TSC2: variants seen among roughly 807,000 people sequenced by gnomAD.
The protein encoded by TSC2 is TSC complex subunit 2.
A neutral mutation model predicts 202.2 loss-of-function variants in TSC2; 29 were observed. That is an observed-to-expected ratio of 0.14 (90% CI 0.11 to 0.20). TSC2 has a LOEUF of 0.20. Among genes scored for constraint, TSC2 ranks in the 10% least tolerant of loss-of-function variants. TSC2 has a pLI of 1.00. For synonymous variants in TSC2, 1,349 were observed against 1,044.0 expected (o/e 1.29, Z -5.63); for missense variants, 2,429 against 2,420.0 (o/e 1.00, Z -0.08).
chr16:2,060,970 C>T, intron 11 of TSC2, 157 bp downstream of exon 11: 1 of 942,828 alleles, frequency 1.1e-6, no homozygotes, highest in Non-Finnish European at 1.6e-6. Context: ...CATCCACCTT[C>T]CACCGGAGAC....
In TSC2 at chr16:2,085,030, G is replaced by A. The variant is rs1051944517; in HGVS notation, c.4569+4G>A. The A allele has an allele frequency of 2.5e-5, 40 of 1,613,164 alleles. No individual in the cohort carries two copies. The highest frequency in any genetic ancestry group is 3.3e-5 in the Non-Finnish European group (39 of 1,179,988). ...GCCAATCCTGCTGCCCAATGAGGTAGGCGTGGCCTCCCTCTCCTGCATCCG... is the reference window on the plus strand; with the variant it reads ...GCCAATCCTGCTGCCCAATGAGGTAAGCGTGGCCTCCCTCTCCTGCATCCG... On this transcript the variant is annotated splice_donor_region_variant and intron_variant, in intron 35 of 41. Transcript: ENST00000219476.
chr16:2,081,422 G>C (rs112976855), intron 30 of TSC2, 173 bp from the exon 31 acceptor site: 2 of 828,684 alleles, frequency 2.4e-6, no homozygotes, highest in Admixed American at 2.0e-5. Context: ...GGCTGAGCGG[G>C]GCAGCAGGGT....
intron 16 of TSC2, 78 bp from the exon 17 acceptor site, chr16:2,070,378 T>C: frequency 6.2e-7 from 1 of 1,612,054 alleles, no homozygotes; most frequent in South Asian, 1.1e-5. Context: ...CCCCGGCCCC[T>C]GCTCCGGGAC....
At chr16:2,052,212 C>G (rs1046706593) in intron 3 of TSC2, among the ~76,000 whole-genome samples, 1 of 123,784 alleles carries the variant, frequency 8.1e-6, no homozygotes, top group East Asian at 1.9e-4. Flanking sequence ...CAGGTTGCAA[C>G]GGTAAGAGTA....
chr16:2,072,405 G>A (rs1270893460), intron 20 of TSC2, 42 bp downstream of exon 20: 23 of 1,611,764 alleles, frequency 1.4e-5, no homozygotes, highest in Non-Finnish European at 2.0e-5. Context: ...GACCCAGTAG[G>A]GTTTTTCCCC....
chr16:2,076,766 C>A, intron 25 of TSC2, 181 bp downstream of exon 25: 1 of 655,380 alleles, frequency 1.5e-6, no homozygotes, highest in African/African-American at 1.8e-5. Flanking sequence ...AGCAGGTTGG[C>A]CGTGGTGGCC....
At chr16:2,084,108 T>C in intron 33 of TSC2, 120 bp from the exon 34 acceptor site, 2 of 1,521,022 alleles carry the variant, frequency 1.3e-6, no homozygotes, top group Non-Finnish European at 1.8e-6. Flanking sequence ...AGCCTGGTGC[T>C]CGGGCTGGTC....
At chr16:2,052,535 CCT>C (rs1238837699) in intron 3 of TSC2, among the ~76,000 whole-genome samples, 8 of 152,156 alleles carry the variant, frequency 5.3e-5, no homozygotes, top group Admixed American at 1.3e-4. Flanking sequence ...GTCTGAAACT[CCT>C]GGGCTGACGT....
chr16:2,051,862 C>T (rs923036311), intron 3 of TSC2, among the ~76,000 whole-genome samples: 2 of 152,150 alleles, frequency 1.3e-5, no homozygotes, highest in Non-Finnish European at 2.9e-5. Flanking sequence ...GTGAGGAGTT[C>T]GAGACCCGCC....
chr16:2,061,728 TG>T (rs2086660807), intron 11 of TSC2, 142 bp from the exon 12 acceptor site: 4 of 1,414,546 alleles, frequency 2.8e-6, no homozygotes, highest in Non-Finnish European at 3.9e-6. Flanking sequence ...CTCAGAGGGC[TG>T]GGGGCGTCTG....
At position 2,088,768 on chromosome 16, in the gene TSC2, C is replaced by A; in HGVS notation, c.*158C>A. ...CTTGGTGCGGGGGTTGGGGGGGTGTCGAGGCTCTAGAAGCGGCCATGCCCA... is the reference window on the plus strand; with the variant it reads ...CTTGGTGCGGGGGTTGGGGGGGTGTAGAGGCTCTAGAAGCGGCCATGCCCA... On this transcript the variant is annotated 3_prime_UTR_variant, in exon 42 of 42. Transcript: ENST00000219476. 2 of 1,069,414 alleles carry A rather than the reference C, an allele frequency of 1.9e-6. No homozygotes were observed. Among genetic ancestry groups the A allele is most frequent in the Non-Finnish European group, 2.6e-6 (2 of 756,380 alleles). The allele number at this position is 1,069,414 out of a possible 1,614,324, so 66.2% of individuals were successfully genotyped here.
In TSC2 at chr16:2,081,374, GCT is replaced by G. The variant is rs1439821345; in HGVS notation, c.3611-218_3611-217del. 51 of 628,150 alleles carry G rather than the reference GCT, an allele frequency of 8.1e-5. No homozygotes were observed. The African/African-American group carries it at 9.3e-4, about 11-fold the overall frequency. 38.9% of individuals were successfully genotyped at this position (628,150 alleles called of 1,614,324 possible). A position where few individuals can be genotyped will look rare whatever the true frequency, so the allele number is the denominator to read the frequency against. On this transcript the variant is annotated intron_variant, in intron 30 of 41. Coordinates refer to ENST00000219476, the MANE Select transcript of TSC2 (RefSeq NM_000548.5). The stretch of plus-strand genomic sequence containing the variant: ...GTGAGGCTGTGGGCTGGAGGCCGCT[GCT>G]CTGAGGTGCCTGGCGGAGCCTGGCC...
chr16:2,083,032 G>A (rs748705196), intron 32 of TSC2: 103 of 446,018 alleles, frequency 2.3e-4, no homozygotes, highest in African/African-American at 1.7e-3. Flanking sequence ...AGGTCTCCAC[G>A]TGCAGACGAG....
At chr16:2,050,059 G>A (rs1380683855) in intron 2 of TSC2, among the ~76,000 whole-genome samples, 1 of 151,456 alleles carries the variant, frequency 6.6e-6, no homozygotes, top group Admixed American at 6.6e-5. Flanking sequence ...GGGTTCAAGG[G>A]ATTCTCCTGC....
chr16:2,072,747 C>A, intron 20 of TSC2, 102 bp from the exon 21 acceptor site: 1 of 1,589,518 alleles, frequency 6.3e-7, no homozygotes, highest in Non-Finnish European at 8.6e-7. Context: ...AGCCCCTTTG[C>A]CCCCTTTCCT....
At chr16:2,080,086 C>CG (rs2089938365) in intron 29 of TSC2, 79 bp from the exon 30 acceptor site, 3 of 1,584,620 alleles carry the variant, frequency 1.9e-6, no homozygotes, top group Non-Finnish European at 8.6e-7. Flanking sequence ...TTGCCAGGCT[C>CG]GGGGGGAGCA....
rs60906239 is a variant in TSC2 at position 2,080,639 on chromosome 16, A to G, written c.3610+262A>G. The G allele has an allele frequency of 8.7e-3, 4,172 of 482,182 alleles. 166 individuals are homozygous for G. Among genetic ancestry groups the G allele is most frequent in the African/African-American group, 0.073 (3,737 of 51,298 alleles). The allele number at this position is 482,182 out of a possible 1,614,324, so 29.9% of individuals were successfully genotyped here. Reference sequence around the variant, plus strand: ...GCTGGGACCACAGGCGCCCGCCACCACGCCTGGCCAATTTTTTTGTATTTC... The same window carrying G: ...GCTGGGACCACAGGCGCCCGCCACCGCGCCTGGCCAATTTTTTTGTATTTC... On this transcript the variant is annotated intron_variant, in intron 30 of 41. Coordinates refer to ENST00000219476, the MANE Select transcript of TSC2 (RefSeq NM_000548.5).
At chr16:2,084,858 T>G in intron 34 of TSC2, 93 bp from the exon 35 acceptor site, 1 of 1,601,694 alleles carries the variant, frequency 6.2e-7, no homozygotes, top group South Asian at 1.1e-5. Context: ...GGCGGTGGAG[T>G]GGGAGATGGC....
chr16:2,076,909 G>A (rs2089467678), intron 25 of TSC2, among the ~76,000 whole-genome samples: 1 of 152,242 alleles, frequency 6.6e-6, no homozygotes, highest in Admixed American at 6.5e-5. Context: ...CCCCCAGCCT[G>A]CTGCTAGCCG....
Sources: allele counts gnomAD v4.1 joint callset (sites outside exome capture counted in the v4.1 genomes callset), GRCh38; gene constraint gnomAD v4.1.1; transcripts MANE v1.5; gene names NCBI Gene and HGNC (gene_info 2026-07-23, HGNC 2026-07-21).